The following ZPBP variants were observed in gnomAD, a reference collection of about 807,000 sequenced individuals.
The protein encoded by ZPBP is zona pellucida binding protein.
In ZPBP, 26 loss-of-function variants were observed where a neutral mutation model predicts 44.8. That is an observed-to-expected ratio of 0.58 (90% CI 0.43 to 0.81). The LOEUF (loss-of-function observed/expected upper bound fraction) is 0.81, where lower values mean the gene tolerates loss of function less well. Ranked by LOEUF, ZPBP falls within the 30% of genes least tolerant of loss-of-function variation. The pLI is 0.00. For missense variants in ZPBP, 409 were observed against 434.0 expected (o/e 0.94, Z 0.51); for synonymous variants, 174 against 153.2 (o/e 1.14, Z -1.00).
chr7:49,946,372 A>G (rs1424114964), intron 7 of ZPBP, among the ~76,000 whole-genome samples: 1 of 152,128 alleles, frequency 6.6e-6, no homozygotes, highest in East Asian at 1.9e-4. Context: ...CTTATAGGCA[A>G]GGTCTGGTGG....
chr7:50,089,544 G>T lies in ZPBP; in HGVS notation c.208+85C>A. ...GCCTTAGGAGACTAGGATAAATGAAGAGCATTAGCCTTTTGGAGAAGACTG... is the reference window on the plus strand; with the variant it reads ...GCCTTAGGAGACTAGGATAAATGAATAGCATTAGCCTTTTGGAGAAGACTG... On this transcript the variant is annotated intron_variant, in intron 2 of 7. Coordinates refer to ENST00000046087, the MANE Select transcript of ZPBP (RefSeq NM_007009.3). The T allele has an allele frequency of 5.0e-6, 5 of 1,006,660 alleles. No homozygotes were observed. The South Asian group carries it at 7.1e-5, about 14-fold the overall frequency. The allele number at this position is 1,006,660 out of a possible 1,614,324, so 62.4% of individuals were successfully genotyped here. A position where few individuals can be genotyped will look rare whatever the true frequency, so the allele number is the denominator to read the frequency against.
In ZPBP at chr7:49,937,482, A is replaced by G. The variant is rs369111626; in HGVS notation, c.*46T>C. On this transcript the variant is annotated 3_prime_UTR_variant, in exon 8 of 8. Transcript: ENST00000046087. The stretch of plus-strand genomic sequence containing the variant: ...AATTTATTATGTTAATATTTCAAAT[A>G]TATACTTTGCATTTAATAAACCACT... The G allele has an allele frequency of 1.3e-5, 18 of 1,355,210 alleles. No individual in the cohort carries two copies. The Admixed American group carries it at 1.5e-4, about 11-fold the overall frequency. The allele number at this position is 1,355,210 out of a possible 1,614,324, so 83.9% of individuals were successfully genotyped here.
At chr7:49,979,296 C>T (rs1035144282) in intron 7 of ZPBP, among the ~76,000 whole-genome samples, 2 of 151,824 alleles carry the variant, frequency 1.3e-5, no homozygotes, top group South Asian at 2.1e-4. Flanking sequence ...TTGTATTTTT[C>T]CCTTAACAGT....
intron 2 of ZPBP, among the ~76,000 whole-genome samples, chr7:50,084,750 A>C (rs1802550213): frequency 6.6e-6 from 1 of 152,068 alleles, no homozygotes; most frequent in Non-Finnish European, 1.5e-5. Context: ...AATGAAAGGG[A>C]AATTAGTTAC....
chr7:50,041,759 C>T (rs1800106453), intron 4 of ZPBP, among the ~76,000 whole-genome samples: 1 of 152,184 alleles, frequency 6.6e-6, no homozygotes, highest in Non-Finnish European at 1.5e-5. Flanking sequence ...AACCAGAACA[C>T]TTCTTCTCCT....
At chr7:49,949,555 T>G (rs1795243763) in intron 7 of ZPBP, among the ~76,000 whole-genome samples, 1 of 152,044 alleles carries the variant, frequency 6.6e-6, no homozygotes. Context: ...ATGATTCCAC[T>G]TATATGAGGT....
intron 2 of ZPBP, among the ~76,000 whole-genome samples, chr7:49,884,250 C>T (rs2128728137): frequency 6.6e-6 from 1 of 152,334 alleles, no homozygotes; most frequent in Admixed American, 6.5e-5. Context: ...ATGAAGATAG[C>T]AAATGGGTGC....
intron 7 of ZPBP, among the ~76,000 whole-genome samples, chr7:49,962,402 T>A (rs1795895000): frequency 5.3e-5 from 8 of 151,864 alleles, no homozygotes. Context: ...CATGTGATCA[T>A]CTCAATTCGG....
intron 6 of ZPBP, among the ~76,000 whole-genome samples, chr7:50,013,857 T>G (rs1262957531): frequency 6.6e-6 from 1 of 152,082 alleles, no homozygotes; most frequent in Non-Finnish European, 1.5e-5. Context: ...CAAACATACT[T>G]AAAATAAATG....
At chr7:49,943,416 G>T in intron 7 of ZPBP, 2 of 408,368 alleles carry the variant, frequency 4.9e-6, no homozygotes, top group South Asian at 2.1e-5. Flanking sequence ...CTACAATGGG[G>T]ACCACATTGC....
chr7:49,937,281 A>G (rs560154828), downstream of ZPBP, among the ~76,000 whole-genome samples: 2 of 152,346 alleles, frequency 1.3e-5, no homozygotes, highest in East Asian at 3.9e-4. Context: ...AAAACAGTAT[A>G]TTTGAAACTA....
intron 1 of ZPBP, among the ~76,000 whole-genome samples, chr7:49,909,555 T>C (rs2128741852): frequency 6.6e-6 from 1 of 151,980 alleles, no homozygotes; most frequent in Non-Finnish European, 1.5e-5. Context: ...TGGGGAGGGG[T>C]CTTGAATTTA....
At chr7:49,938,217 A>G (rs977502867) in intron 7 of ZPBP, among the ~76,000 whole-genome samples, 3 of 152,012 alleles carry the variant, frequency 2.0e-5, no homozygotes, top group African/African-American at 7.3e-5. Context: ...ATAACTGTGT[A>G]TTTTAGGTGG....
chr7:49,931,221 A>G (rs1377447332), intron 1 of ZPBP, among the ~76,000 whole-genome samples: 3 of 152,178 alleles, frequency 2.0e-5, no homozygotes, highest in African/African-American at 7.2e-5. Context: ...AATACAGTAC[A>G]TTGGTACTGG....
chr7:50,006,811 A>G (rs373237386), intron 6 of ZPBP, among the ~76,000 whole-genome samples: 13 of 152,188 alleles, frequency 8.5e-5, no homozygotes, highest in African/African-American at 3.1e-4. Context: ...TAGCTAGATT[A>G]CCTAAGAAAA....
At chr7:50,068,716 A>G (rs1283830788) in intron 3 of ZPBP, among the ~76,000 whole-genome samples, 1 of 152,180 alleles carries the variant, frequency 6.6e-6, no homozygotes, top group Non-Finnish European at 1.5e-5. Flanking sequence ...GCTGAGTAGC[A>G]TTCACACCTA....
intron 7 of ZPBP, among the ~76,000 whole-genome samples, chr7:49,979,552 T>A (rs1485816716): frequency 2.0e-5 from 3 of 151,752 alleles, no homozygotes; most frequent in African/African-American, 7.3e-5. Context: ...ACAATTGTGT[T>A]GTTACCCAAA....
chr7:49,885,368 A>C (rs1791853816), intron 2 of ZPBP, among the ~76,000 whole-genome samples: 1 of 152,130 alleles, frequency 6.6e-6, no homozygotes, highest in Non-Finnish European at 1.5e-5. Context: ...CTGAAAGTAA[A>C]ACTATATAAA....
intron 6 of ZPBP, among the ~76,000 whole-genome samples, chr7:50,015,933 G>A (rs1798799516): frequency 6.6e-6 from 1 of 152,096 alleles, no homozygotes; most frequent in African/African-American, 2.4e-5. Context: ...TAAGGTTATA[G>A]AGAAAAGAGA....
Sources: allele counts gnomAD v4.1 joint callset (sites outside exome capture counted in the v4.1 genomes callset), GRCh38; gene constraint gnomAD v4.1.1; transcripts MANE v1.5; gene names NCBI Gene and HGNC (gene_info 2026-07-23, HGNC 2026-07-21).